DNAH6: variants seen among roughly 807,000 people sequenced by gnomAD.
DNAH6 encodes axonemal beta dynein heavy chain 6.
In DNAH6, 340 loss-of-function variants were observed where a neutral mutation model predicts 491.4. The ratio of observed to expected loss-of-function variants is 0.69; its 90% CI spans 0.63 to 0.76. DNAH6 has a LOEUF of 0.76. DNAH6 is among the 30% of genes least tolerant of loss of function. The pLI is 0.00. For missense variants in DNAH6, 4,443 were observed against 4,972.2 expected (o/e 0.89, Z 3.20); for synonymous variants, 1,603 against 1,686.1 (o/e 0.95, Z 1.21).
chr2:84,738,057 A>G (rs1439411999), intron 62 of DNAH6, among the ~76,000 whole-genome samples: 1 of 151,964 alleles, frequency 6.6e-6, no homozygotes, highest in African/African-American at 2.4e-5. Flanking sequence ...GTCTGTTTTC[A>G]TCTGTTTCAA....
At chr2:84,659,200 A>G in intron 37 of DNAH6, 31 bp downstream of exon 37, 9 of 1,153,836 alleles carry the variant, frequency 7.8e-6, no homozygotes, top group Non-Finnish European at 1.0e-5. Flanking sequence ...ATTTTAACAT[A>G]ATAATTCTGA....
Position 84,548,293 on chromosome 2 carries a change from C to A in DNAH6, c.1192C>A (p.His398Asn). ...DCAFGPFEDY[H>N]KVQSSGSFIN... ...GTTCCTTCTGTTATTCTTAGATTAT[C>A]ATAAAGTGCAGAGCAGTGGAAGTTT... Residue 398 changes from histidine to asparagine, a missense_variant, in exon 8 of 77, where the codon CAT becomes AAT. Around this residue, in one of 3 missense-constraint regions of DNAH6, gnomAD observed 2,977 missense variants for 3,296.6 expected, o/e 0.90. Coordinates refer to ENST00000389394, the MANE Select transcript of DNAH6 (RefSeq NM_001370.2). 6.2e-7 allele frequency: 1 copy of A among 1,609,922 alleles called. No homozygotes were observed. Among genetic ancestry groups the A allele is most frequent in the South Asian group, 1.1e-5 (1 of 90,182 alleles).
chr2:84,627,146 C>T (rs1013224777), intron 29 of DNAH6, among the ~76,000 whole-genome samples: 1 of 152,144 alleles, frequency 6.6e-6, no homozygotes, highest in African/African-American at 2.4e-5. Context: ...AAAGCCCCAC[C>T]TCAGACCTAC....
chr2:84,695,630 A>C (rs1429610413), intron 46 of DNAH6, among the ~76,000 whole-genome samples: 2 of 152,094 alleles, frequency 1.3e-5, no homozygotes, highest in Admixed American at 6.5e-5. Flanking sequence ...CTGTGTAAAA[A>C]CTGTAAAATT....
At chr2:84,776,462 C>T (rs1013605565) in intron 64 of DNAH6, among the ~76,000 whole-genome samples, 37 of 152,202 alleles carry the variant, frequency 2.4e-4, no homozygotes, top group Non-Finnish European at 7.3e-5. Context: ...AATATAACTG[C>T]TTTGATCACA....
At chr2:84,567,259 A>T (rs1258430349) in intron 11 of DNAH6, among the ~76,000 whole-genome samples, 3 of 152,124 alleles carry the variant, frequency 2.0e-5, no homozygotes, top group Non-Finnish European at 2.9e-5. Context: ...AACTAGGTAG[A>T]AAAATGGTCA....
chr2:84,511,632 G>T (rs528333436), upstream of DNAH6, among the ~76,000 whole-genome samples: 53 of 152,290 alleles, frequency 3.5e-4, no homozygotes, highest in East Asian at 1.9e-4. Flanking sequence ...ACCTCAGTTG[G>T]AAATGCAGAA....
At chr2:84,540,898 C>T (rs1678179602) in intron 4 of DNAH6, among the ~76,000 whole-genome samples, 1 of 152,104 alleles carries the variant, frequency 6.6e-6, no homozygotes, top group Non-Finnish European at 1.5e-5. Context: ...TTGAGACTTC[C>T]ATCTCAATCT....
rs3062234 is a variant in DNAH6 at position 84,786,101 on chromosome 2, AGAATGAATGAATGAAT to A, written c.11100+370_11100+385del. On this transcript the variant is annotated intron_variant, in intron 67 of 76. Transcript: ENST00000389394. ...ACGTGTGTGGTCTACAGAGAAAGAA[AGAATGAATGAATGAAT>A]GAATGAATGAATGAATGAATGAATC... 6.6e-3 allele frequency among the ~76,000 whole-genome samples: 995 copies of A among 150,356 alleles called. 9 individuals carry two copies. The highest frequency in any genetic ancestry group is 0.022 in the African/African-American group (918 of 40,802).
chr2:84,532,144 A>G (rs949879275), intron 4 of DNAH6, among the ~76,000 whole-genome samples: 4 of 152,140 alleles, frequency 2.6e-5, no homozygotes, highest in African/African-American at 7.2e-5. Flanking sequence ...CCAGCACAAT[A>G]TAAAGTATTG....
chr2:84,608,678 G>A (rs1686012669), intron 21 of DNAH6, among the ~76,000 whole-genome samples: 1 of 151,202 alleles, frequency 6.6e-6, no homozygotes, highest in Non-Finnish European at 1.5e-5. Context: ...TTAGAGCACA[G>A]TCAGAGTAGA....
intron 63 of DNAH6, among the ~76,000 whole-genome samples, chr2:84,750,187 T>G (rs1191174962): frequency 1.3e-5 from 2 of 151,036 alleles, no homozygotes; most frequent in Non-Finnish European, 3.0e-5. Context: ...TTTGTTTGGT[T>G]TGGTTTTTTT....
At chr2:84,775,567 A>G (rs77925146) in intron 64 of DNAH6, among the ~76,000 whole-genome samples, 2,118 of 152,216 alleles carry the variant, frequency 0.014, 44 homozygotes, top group African/African-American at 0.048. Flanking sequence ...ATTTTTTGGA[A>G]TAGTTTCAGT....
In DNAH6 at chr2:84,805,809, T is replaced by C. The variant is rs1168139865; in HGVS notation, c.11611+15T>C. The C allele has an allele frequency of 1.3e-6, 2 of 1,546,172 alleles. No homozygotes were observed. The highest frequency in any genetic ancestry group is 1.2e-5 in the South Asian group (1 of 82,596). ...CAGAGTTCCAGGTAATAAATAATTC[T>C]AGGAATCTGTATGTAATGGGAATTT... On this transcript the variant is annotated intron_variant, in intron 71 of 76. Transcript: ENST00000389394.
At chr2:84,609,334 T>G (rs937116744) in intron 21 of DNAH6, among the ~76,000 whole-genome samples, 2 of 152,160 alleles carry the variant, frequency 1.3e-5, no homozygotes, top group Non-Finnish European at 2.9e-5. Flanking sequence ...TATATTGGCT[T>G]TTGACATGCC....
chr2:84,479,507 G>A, the DNAH6 span, among the ~76,000 whole-genome samples: 1 of 152,190 alleles, frequency 6.6e-6, no homozygotes, highest in African/African-American at 2.4e-5. Flanking sequence ...CAAATTACAT[G>A]TTTGCAATCT....
At chr2:84,817,973 A>G (rs1680655286) in intron 76 of DNAH6, among the ~76,000 whole-genome samples, 1 of 152,190 alleles carries the variant, frequency 6.6e-6, no homozygotes, top group Admixed American at 6.5e-5. Flanking sequence ...CCCATCTCCA[A>G]CATTGGGGAT....
chr2:84,521,440 A>G (rs112041292), intron 2 of DNAH6, among the ~76,000 whole-genome samples: 61 of 151,958 alleles, frequency 4.0e-4, no homozygotes, highest in African/African-American at 1.4e-3. Context: ...CACTCTGTTG[A>G]TAGTTTCTTT....
rs935150384 is a variant in DNAH6 at position 84,808,453 on chromosome 2, G to C, written c.11650G>C (p.Val3884Leu). 1.3e-6 allele frequency: 2 copies of C among 1,544,880 alleles called. No homozygotes were observed. Among genetic ancestry groups the C allele is most frequent in the Non-Finnish European group, 1.7e-6 (2 of 1,145,262 alleles). Residue 3884 changes from valine (V) to leucine (L), a missense_variant, in exon 72 of 77, where the codon GTC becomes CTC. By Grantham distance (32) the Val-to-Leu change is conservative (BLOSUM62 1). Around this residue, in one of 3 missense-constraint regions of DNAH6, gnomAD observed 1,463 missense variants for 1,656.6 expected, o/e 0.88. Transcript: ENST00000389394. ...EMEGASESLF[V>L]KDLQGRLNSL... ...GGAGGGTGCTTCTGAGAGCCTTTTTGTCAAGGATCTTCAAGGACGTCTGAA... is the reference window on the plus strand; with the variant it reads ...GGAGGGTGCTTCTGAGAGCCTTTTTCTCAAGGATCTTCAAGGACGTCTGAA...
Sources: gnomAD v4.1 joint callset for allele counts (sites outside exome capture counted in the v4.1 genomes callset) on GRCh38, gnomAD v4.1.1 for gene constraint, gnomAD v4.1.1 regional missense constraint, MANE v1.5 for transcripts, NCBI Gene and HGNC (gene_info 2026-07-23, HGNC 2026-07-21) for gene names.